The following CTDSPL variants were observed in gnomAD, a reference collection of about 807,000 sequenced individuals.
CTDSPL encodes the protein CTD small phosphatase like, also known as CTD small phosphatase-like protein.
CTDSPL carries 8 observed loss-of-function variants against 30.5 expected under a neutral mutation model. The observed-to-expected ratio is 0.26, with a 90% CI of 0.15 to 0.47. The LOEUF is 0.47. CTDSPL is among the 20% of genes least tolerant of loss of function. The pLI, the probability that CTDSPL is intolerant of heterozygous loss-of-function variation, is 0.99. For missense variants in CTDSPL, 248 were observed against 366.1 expected, an observed-to-expected ratio of 0.68 and a Z score of 2.63; for synonymous variants, 110 against 137.9, an observed-to-expected ratio of 0.80 and a Z score of 1.42.
chr3:37,917,886 C>T (rs1360226974), intron 1 of CTDSPL, among the ~76,000 whole-genome samples: 1 of 152,112 alleles, frequency 6.6e-6, no homozygotes, highest in Non-Finnish European at 1.5e-5. Context: ...GCTGGATGAG[C>T]CAAGGACCCC....
intron 1 of CTDSPL, among the ~76,000 whole-genome samples, chr3:37,909,952 G>A (rs1180485939): frequency 2.6e-5 from 4 of 152,194 alleles, no homozygotes; most frequent in Admixed American, 6.5e-5. Context: ...AGAATGATTA[G>A]GACATGATCA....
At chr3:37,948,369 G>T (rs1234726546) in intron 2 of CTDSPL, among the ~76,000 whole-genome samples, 1 of 151,966 alleles carries the variant, frequency 6.6e-6, no homozygotes, top group African/African-American at 2.4e-5. Flanking sequence ...AGAAAACAAG[G>T]GTTACAATAT....
Position 37,967,874 on chromosome 3 carries a change from A to T in CTDSPL, c.418A>T (p.Ile140Leu), listed in dbSNP as rs1699317042. The change falls in exon 5 of 8, where the codon ATA becomes TTA. Residue 140 changes from isoleucine to leucine, a missense_variant. Physicochemically the swap from Ile to Leu is conservative, Grantham distance 5 (BLOSUM62 2). Coordinates refer to ENST00000273179, the MANE Select transcript of CTDSPL (RefSeq NM_001008392.2). The stretch of plus-strand genomic sequence containing the variant: ...TGTTCCGGTTGAAATCGATGGAACT[A>T]TACATCAGGTAAGAAACTGAAGCTA... Reference protein sequence around the residue: ...FIVPVEIDGTIHQVYVLKRPH... With the variant: ...FIVPVEIDGTLHQVYVLKRPH... 1 of 1,597,966 alleles carries T rather than the reference A, an allele frequency of 6.3e-7. No individual in the cohort carries two copies. The highest frequency in any genetic ancestry group is 1.2e-5 in the South Asian group (1 of 86,466).
Position 37,901,574 on chromosome 3 carries a change from A to G in CTDSPL, c.79+39296A>G, listed in dbSNP as rs549691950. 5.3e-5 allele frequency among the ~76,000 whole-genome samples: 8 copies of G among 152,276 alleles called. No individual in the cohort carries two copies. The South Asian group carries it at 1.7e-3, about 32-fold the overall frequency. ...AATAGTAATACTTGACCTAAATAAC[A>G]ATGGCTCATATTTATTGTGCATTTA... On this transcript the variant is annotated intron_variant, in intron 1 of 7. Transcript: ENST00000273179.
chr3:37,960,506 ATAT>A lies in CTDSPL; in HGVS notation c.267+3364_267+3366del, dbSNP rs1265575645. Reference sequence around the variant, plus strand: ...AAAAAAAAAAAAAAAAAAAAAAAAAATATATATATATATATATATATATATATA... The same window carrying A: ...AAAAAAAAAAAAAAAAAAAAAAAAAAATATATATATATATATATATATATA... On this transcript the variant is annotated intron_variant, in intron 3 of 7. Transcript: ENST00000273179. 9.4e-4 allele frequency among the ~76,000 whole-genome samples: 25 copies of A among 26,528 alleles called. 1 individual carries two copies. Among genetic ancestry groups the A allele is most frequent in the South Asian group, 1.9e-3 (1 of 522 alleles). The allele number at this position is 26,528 out of a possible 152,430, so 17.4% of individuals were successfully genotyped here. A position where few individuals can be genotyped will look rare whatever the true frequency, so the allele number is the denominator to read the frequency against.
At chr3:37,910,815 G>C (rs1222572056) in intron 1 of CTDSPL, among the ~76,000 whole-genome samples, 1 of 152,198 alleles carries the variant, frequency 6.6e-6, no homozygotes, top group African/African-American at 2.4e-5. Flanking sequence ...CCATTCTACA[G>C]GGTGGGTGCC....
At chr3:37,919,558 A>T (rs562478892) in intron 1 of CTDSPL, among the ~76,000 whole-genome samples, 10 of 152,344 alleles carry the variant, frequency 6.6e-5, no homozygotes, top group Non-Finnish European at 1.3e-4. Context: ...TCCAGAAAGG[A>T]TTACTTAATA....
intron 2 of CTDSPL, among the ~76,000 whole-genome samples, chr3:37,948,907 G>A (rs966058591): frequency 1.4e-5 from 2 of 139,870 alleles, no homozygotes; most frequent in Admixed American, 7.7e-5. Flanking sequence ...TGCAAGCTCC[G>A]CTTCCCGGGT....
At chr3:37,877,708 G>T (rs1698154226) in intron 1 of CTDSPL, among the ~76,000 whole-genome samples, 2 of 140,666 alleles carry the variant, frequency 1.4e-5, no homozygotes, top group African/African-American at 2.6e-5. Context: ...TATTTGGCTT[G>T]TGGTTCTGCG....
Position 37,967,808 on chromosome 3 carries a change from A to G in CTDSPL, c.370-18A>G. ...TTGTTCCTTCAGACATATTAATTAT[A>G]GTCTCTTTTTTCTCTAGCCTATTAG... On this transcript the variant is annotated intron_variant, in intron 4 of 7. Coordinates refer to ENST00000273179, the MANE Select transcript of CTDSPL (RefSeq NM_001008392.2). The G allele has an allele frequency of 6.5e-7, 1 of 1,549,078 alleles. No individual in the cohort carries two copies. The highest frequency in any genetic ancestry group is 1.4e-5 in the African/African-American group (1 of 72,190).
Position 37,947,133 on chromosome 3 carries a change from T to G in CTDSPL, c.156T>G (p.Asp52Glu). ...ILSSFFCCFR[D>E]YNVEAPPPSS... is the part of the protein sequence containing the mutation. ...GCTCCTTCTTCTGCTGCTTCCGTGA[T>G]TACAATGTGGAGGCCCCTCCACCCA... The change falls in exon 2 of 8, where the codon GAT becomes GAG. Residue 52 changes from aspartate to glutamate, a missense_variant. By Grantham distance (45) the Asp-to-Glu change is conservative (BLOSUM62 2). This residue lies in a region of CTDSPL where 118 missense variants were observed against 124.7 expected (regional missense o/e 0.95). Coordinates refer to ENST00000273179, the MANE Select transcript of CTDSPL (RefSeq NM_001008392.2). 6.2e-7 allele frequency: 1 copy of G among 1,613,558 alleles called. No homozygotes were observed. The highest frequency in any genetic ancestry group is 1.1e-5 in the South Asian group (1 of 91,044).
chr3:37,962,528 CTTACTG>C (rs1699255534), intron 3 of CTDSPL, among the ~76,000 whole-genome samples: 1 of 152,158 alleles, frequency 6.6e-6, no homozygotes, highest in Admixed American at 6.5e-5. Context: ...AGGGGTTTTA[CTTACTG>C]TTAAAGAATG....
intron 4 of CTDSPL, among the ~76,000 whole-genome samples, chr3:37,966,610 T>G (rs993522524): frequency 1.3e-5 from 2 of 152,270 alleles, no homozygotes; most frequent in Admixed American, 6.5e-5. Flanking sequence ...TATATGATAT[T>G]AAACTCATCC....
At chr3:37,950,888 G>A (rs1699098835) in intron 2 of CTDSPL, among the ~76,000 whole-genome samples, 2 of 152,086 alleles carry the variant, frequency 1.3e-5, no homozygotes, top group African/African-American at 4.8e-5. Context: ...CTAAAAGCCA[G>A]AAGACTATGA....
chr3:37,862,333 C>A lies in CTDSPL; in HGVS notation c.79+55C>A. ...GGGGGCGAGCGCACACCCCGCGCCG[C>A]TGGAGTTCACTGCCGGGCGCCGGCA... On this transcript the variant is annotated intron_variant, in intron 1 of 7. Coordinates refer to ENST00000273179, the MANE Select transcript of CTDSPL (RefSeq NM_001008392.2). This position sits in a 1 kb window ranked among gnomAD's most constrained non-coding sequence, Gnocchi z 4.3. 1 of 1,385,522 alleles carries A rather than the reference C, an allele frequency of 7.2e-7. No homozygotes were observed. The highest frequency in any genetic ancestry group is 9.4e-7 in the Non-Finnish European group (1 of 1,064,694). 85.8% of individuals were successfully genotyped at this position (1,385,522 alleles called of 1,614,324 possible). A position where few individuals can be genotyped will look rare whatever the true frequency, so the allele number is the denominator to read the frequency against.
chr3:37,931,013 C>T (rs748363517), intron 1 of CTDSPL, among the ~76,000 whole-genome samples: 13 of 151,648 alleles, frequency 8.6e-5, no homozygotes, highest in South Asian at 2.1e-4. Flanking sequence ...CTTTTTTTTC[C>T]GTTTACATGG....
At position 37,975,772 on chromosome 3, in the gene CTDSPL, G is replaced by C; in HGVS notation, c.583G>C (p.Glu195Gln). The change falls in exon 7 of 8, where the codon GAA becomes CAA. Residue 195 changes from glutamate (E) to glutamine (Q), a missense_variant. Physicochemically the swap from Glu to Gln is conservative, Grantham distance 29 (BLOSUM62 2). This residue lies in a region of CTDSPL where 84 missense variants were observed against 139.4 expected (regional missense o/e 0.60). Transcript: ENST00000273179. The surrounding 1 kb of genome is among the most constrained non-coding windows in gnomAD (Gnocchi z 4.9). Reference protein sequence around the residue: ...WGVFRARLFRESCVFHRGNYV... With the variant: ...WGVFRARLFRQSCVFHRGNYV... ...TGTGTTCCGGGCCCGGCTCTTCAGA[G>C]AATCATGTGTTTTTCATCGTGGGAA... 6.2e-7 allele frequency: 1 copy of C among 1,614,070 alleles called. No individual in the cohort carries two copies. The highest frequency in any genetic ancestry group is 8.5e-7 in the Non-Finnish European group (1 of 1,180,012).
intron 1 of CTDSPL, among the ~76,000 whole-genome samples, chr3:37,912,875 A>C (rs897654465): frequency 6.6e-6 from 1 of 152,190 alleles, no homozygotes; most frequent in East Asian, 1.9e-4. Flanking sequence ...CCATTTATTA[A>C]ATAATTGCTA....
intron 1 of CTDSPL, among the ~76,000 whole-genome samples, chr3:37,929,339 A>T (rs181095855): frequency 4.6e-5 from 7 of 152,270 alleles, no homozygotes; most frequent in Non-Finnish European, 1.0e-4. Flanking sequence ...TTGGATTTTG[A>T]TAGGGATTGC....
Sources: allele counts gnomAD v4.1 joint callset (sites outside exome capture counted in the v4.1 genomes callset), GRCh38; gene constraint gnomAD v4.1.1; regional missense constraint gnomAD v4.1.1; non-coding constraint Gnocchi (gnomAD v3.1); transcripts MANE v1.5; gene names NCBI Gene and HGNC (gene_info 2026-07-23, HGNC 2026-07-21).